The following EFNA5 variants were observed in gnomAD, a reference collection of about 807,000 sequenced individuals.
EFNA5 encodes ephrin-A5.
Under a neutral mutation model 22.9 loss-of-function variants are expected in EFNA5, and 5 were observed. That is an observed-to-expected ratio of 0.22 (90% CI 0.11 to 0.46). EFNA5 has a LOEUF of 0.46. EFNA5 is among the 20% of genes least tolerant of loss of function. EFNA5 has a pLI of 0.99. For synonymous variants in EFNA5, 113 were observed against 112.2 expected (o/e 1.01, Z -0.04); for missense variants, 237 against 293.3 (o/e 0.81, Z 1.40).
chr5:107,610,602 A>G (rs1240834471), intron 1 of EFNA5, among the ~76,000 whole-genome samples: 1 of 152,182 alleles, frequency 6.6e-6, no homozygotes, highest in Non-Finnish European at 1.5e-5. Flanking sequence ...CACAAAACGT[A>G]TCTCTTTTTT....
chr5:107,602,441 A>T (rs925884811), intron 1 of EFNA5, among the ~76,000 whole-genome samples: 8 of 152,242 alleles, frequency 5.3e-5, no homozygotes, highest in African/African-American at 1.9e-4. Context: ...GAGCCTATTA[A>T]GCCTGCCATT....
At chr5:107,422,198 C>A (rs1404114021) in intron 2 of EFNA5, among the ~76,000 whole-genome samples, 1 of 152,186 alleles carries the variant, frequency 6.6e-6, no homozygotes, top group Non-Finnish European at 1.5e-5. Flanking sequence ...AGTTTCTTCA[C>A]CTGTAAATAG....
At chr5:107,586,616 C>T (rs930810348) in intron 1 of EFNA5, among the ~76,000 whole-genome samples, 21 of 152,196 alleles carry the variant, frequency 1.4e-4, no homozygotes, top group African/African-American at 4.6e-4. Flanking sequence ...TCTATTAATG[C>T]GTACATTTAA....
At chr5:107,638,932 G>A (rs923346642) in intron 1 of EFNA5, among the ~76,000 whole-genome samples, 1 of 151,982 alleles carries the variant, frequency 6.6e-6, no homozygotes, top group African/African-American at 2.4e-5. Flanking sequence ...TCAAAACATT[G>A]TAAACCATAA....
intron 1 of EFNA5, among the ~76,000 whole-genome samples, chr5:107,661,810 C>T (rs1436890392): frequency 1.3e-5 from 2 of 152,088 alleles, no homozygotes; most frequent in African/African-American, 2.4e-5. Flanking sequence ...AAATATAAAA[C>T]ATCAAGTATC....
intron 1 of EFNA5, among the ~76,000 whole-genome samples, chr5:107,439,208 T>C (rs1327250980): frequency 4.6e-5 from 7 of 152,128 alleles, no homozygotes; most frequent in African/African-American, 1.2e-4. Context: ...CTTATATGAA[T>C]AGCAGAGAGC....
chr5:107,560,107 C>T (rs565124875), intron 1 of EFNA5, among the ~76,000 whole-genome samples: 8 of 152,314 alleles, frequency 5.3e-5, no homozygotes, highest in African/African-American at 1.9e-4. Flanking sequence ...AATGCTCCAA[C>T]ACTGAAGATT....
At chr5:107,407,914 C>T (rs1748265825) in intron 2 of EFNA5, among the ~76,000 whole-genome samples, 1 of 152,130 alleles carries the variant, frequency 6.6e-6, no homozygotes, top group South Asian at 2.1e-4. Flanking sequence ...GACACAGTCT[C>T]AATTAAGATA....
chr5:107,458,578 G>A (rs1419762995), intron 1 of EFNA5, among the ~76,000 whole-genome samples: 1 of 151,942 alleles, frequency 6.6e-6, no homozygotes, highest in Non-Finnish European at 1.5e-5. Context: ...AGCCTTTTTG[G>A]AAGTCGTGAG....
At chr5:107,540,557 C>G (rs914883994) in intron 1 of EFNA5, among the ~76,000 whole-genome samples, 1 of 152,002 alleles carries the variant, frequency 6.6e-6, no homozygotes, top group African/African-American at 2.4e-5. Flanking sequence ...AAATGTTCCC[C>G]CAATCAATGA....
In EFNA5 at chr5:107,592,121, T is replaced by C. The variant is rs1009810145; in HGVS notation, c.125+78368A>G. Among the ~76,000 whole-genome samples, 29 of 130,390 alleles carry C rather than the reference T, an allele frequency of 2.2e-4. 1 individual carries two copies. The highest frequency in any genetic ancestry group is 9.3e-5 in the Non-Finnish European group (6 of 64,792). The allele number at this position is 130,390 out of a possible 152,430, so 85.5% of individuals were successfully genotyped here. A position where few individuals can be genotyped will look rare whatever the true frequency, so the allele number is the denominator to read the frequency against. ...AAATATATTTTATATATATTATATA[T>C]AGAATATATAGAATAAATGAGTCAA... On this transcript the variant is annotated intron_variant, in intron 1 of 4. Transcript: ENST00000333274.
intron 2 of EFNA5, among the ~76,000 whole-genome samples, chr5:107,420,661 T>A (rs915449413): frequency 5.9e-5 from 9 of 152,038 alleles, no homozygotes; most frequent in African/African-American, 1.9e-4. Context: ...AGGGAACTGC[T>A]GGAGAGGGTG....
intron 1 of EFNA5, among the ~76,000 whole-genome samples, chr5:107,474,915 A>T (rs1354848510): frequency 2.0e-5 from 3 of 152,214 alleles, no homozygotes; most frequent in Admixed American, 1.3e-4. Flanking sequence ...TTCAAGGCCT[A>T]TACAATTTAC....
chr5:107,557,009 C>T (rs1333922664), intron 1 of EFNA5, among the ~76,000 whole-genome samples: 1 of 151,960 alleles, frequency 6.6e-6, no homozygotes, highest in African/African-American at 2.4e-5. Context: ...ACTAGTCATA[C>T]CAAAGTTGGA....
At chr5:107,549,773 G>A (rs1299864333) in intron 1 of EFNA5, among the ~76,000 whole-genome samples, 2 of 152,238 alleles carry the variant, frequency 1.3e-5, no homozygotes, top group Admixed American at 6.5e-5. Flanking sequence ...GCCTTGTCCT[G>A]GGATCAGGCA....
At chr5:107,470,919 T>C (rs1750121392) in intron 1 of EFNA5, among the ~76,000 whole-genome samples, 1 of 152,106 alleles carries the variant, frequency 6.6e-6, no homozygotes, top group Admixed American at 6.6e-5. Flanking sequence ...GTCTTTTTTA[T>C]CTCTTTTCTT....
At chr5:107,502,650 C>T (rs1372584062) in intron 1 of EFNA5, among the ~76,000 whole-genome samples, 1 of 152,148 alleles carries the variant, frequency 6.6e-6, no homozygotes, top group African/African-American at 2.4e-5. Flanking sequence ...GAGAACGTGG[C>T]CGTGCTCGAA....
intron 1 of EFNA5, among the ~76,000 whole-genome samples, chr5:107,536,452 C>A (rs1309861330): frequency 6.6e-6 from 1 of 152,164 alleles, no homozygotes; most frequent in Non-Finnish European, 1.5e-5. Context: ...CCATAAGTCA[C>A]TCAACTGTAT....
chr5:107,420,660 C>A (rs893299004), intron 2 of EFNA5, among the ~76,000 whole-genome samples: 9 of 151,622 alleles, frequency 5.9e-5, no homozygotes, highest in African/African-American at 1.9e-4. Context: ...GAGGGAACTG[C>A]TGGAGAGGGT....
Sources: allele counts gnomAD v4.1 joint callset (sites outside exome capture counted in the v4.1 genomes callset), GRCh38; gene constraint gnomAD v4.1.1; transcripts MANE v1.5; gene names NCBI Gene and HGNC (gene_info 2026-07-23, HGNC 2026-07-21).